TSPAN15: variants seen among roughly 807,000 people sequenced by gnomAD.
TSPAN15 encodes tetraspanin-15.
TSPAN15 carries 20 observed loss-of-function variants against 34.5 expected under a neutral mutation model. The observed-to-expected ratio is 0.58, with a 90% CI of 0.41 to 0.84. TSPAN15 has a LOEUF of 0.84. Ranked by LOEUF, TSPAN15 falls within the 40% of genes least tolerant of loss-of-function variation. The pLI is 0.00. For missense variants in TSPAN15, 313 were observed against 386.1 expected, an observed-to-expected ratio of 0.81 and a Z score of 1.59; for synonymous variants, 155 against 153.9, an observed-to-expected ratio of 1.01 and a Z score of -0.05.
chr10:69,497,050 C>T (rs1842100820), intron 4 of TSPAN15, among the ~76,000 whole-genome samples: 1 of 152,204 alleles, frequency 6.6e-6, no homozygotes, highest in Admixed American at 6.5e-5. Context: ...CATCCTTATT[C>T]TTGCTTTACA....
At position 69,451,598 on chromosome 10, in the gene TSPAN15, C is replaced by T. The variant is rs200247074; in HGVS notation, c.4C>T (p.Pro2Ser). M[P>S]RGDSEQVRYC... is the part of the protein sequence containing the mutation. ...ACCCGCGCGGGGAGCGCCCAGGATG[C>T]CGCGCGGGGACTCGGAGCAGGTGCG... Residue 2 changes from proline (P) to serine (S), a missense_variant, in exon 1 of 8, where the codon CCG becomes TCG. Coordinates refer to ENST00000373290, the MANE Select transcript of TSPAN15 (RefSeq NM_012339.5). 1 of 1,495,148 alleles carries T rather than the reference C, an allele frequency of 6.7e-7. No individual in the cohort carries two copies. The allele number at this position is 1,495,148 out of a possible 1,614,324, so 92.6% of individuals were successfully genotyped here.
chr10:69,541,910 C>T, the TSPAN15 span, among the ~76,000 whole-genome samples: 1 of 152,224 alleles, frequency 6.6e-6, no homozygotes, highest in Non-Finnish European at 1.5e-5. Context: ...CTGTGAAGTT[C>T]TCAGACATTC....
intron 1 of TSPAN15, among the ~76,000 whole-genome samples, chr10:69,456,618 A>G (rs1841116286): frequency 1.3e-5 from 2 of 152,166 alleles, no homozygotes; most frequent in South Asian, 2.1e-4. Context: ...AAACAATGAT[A>G]CTAAATCCTA....
chr10:69,539,458 A>AAGG, the TSPAN15 span, among the ~76,000 whole-genome samples: 922 of 66,260 alleles, frequency 0.014, 48 homozygotes, highest in African/African-American at 0.044. Context: ...GAAGAAGAAG[A>AAGG]AGAAGGAGAA....
At chr10:69,454,501 T>C (rs145862563) in intron 1 of TSPAN15, among the ~76,000 whole-genome samples, 122 of 150,214 alleles carry the variant, frequency 8.1e-4, no homozygotes, top group African/African-American at 2.8e-3. Flanking sequence ...TGGGTGACAG[T>C]GTAAGACTCG....
chr10:69,462,170 T>TTTTTTTTTTTTG (rs1841281573), intron 1 of TSPAN15, among the ~76,000 whole-genome samples: 6 of 145,088 alleles, frequency 4.1e-5, no homozygotes, highest in African/African-American at 1.3e-4. Flanking sequence ...TTTTTTTTTT[T>TTTTTTTTTTTTG]TTTTTTTTTT....
At chr10:69,540,456 G>T in the TSPAN15 span, among the ~76,000 whole-genome samples, 2 of 152,154 alleles carry the variant, frequency 1.3e-5, no homozygotes, top group Non-Finnish European at 2.9e-5. Flanking sequence ...TTTGGCCACT[G>T]CTTGTAGGCA....
chr10:69,523,018 C>T, the TSPAN15 span, among the ~76,000 whole-genome samples: 1 of 147,664 alleles, frequency 6.8e-6, no homozygotes, highest in African/African-American at 2.5e-5. Context: ...AAGATTTTCC[C>T]CTGTGTTTTC....
intron 1 of TSPAN15, among the ~76,000 whole-genome samples, chr10:69,457,354 G>T (rs1317238601): frequency 2.0e-5 from 3 of 152,202 alleles, no homozygotes; most frequent in Non-Finnish European, 2.9e-5. Context: ...GGTGTAACCC[G>T]CAGTGGTCAG....
the TSPAN15 span, among the ~76,000 whole-genome samples, chr10:69,530,820 C>CTCTA: frequency 2.3e-3 from 70 of 30,770 alleles, no homozygotes; most frequent in Non-Finnish European, 2.9e-3. Flanking sequence ...CTCTCTCTCT[C>CTCTA]TATATATATA....
At chr10:69,547,694 T>C in the TSPAN15 span, among the ~76,000 whole-genome samples, 5 of 152,170 alleles carry the variant, frequency 3.3e-5, no homozygotes, top group African/African-American at 1.2e-4. Context: ...AAAGGGAATT[T>C]ATTGGTTCAC....
the TSPAN15 span, among the ~76,000 whole-genome samples, chr10:69,539,536 A>AAGAAGAAGAAGGAGG: frequency 1.3e-4 from 9 of 71,550 alleles, 1 homozygote; most frequent in Non-Finnish European, 1.8e-4. Flanking sequence ...GAAGAAGAAG[A>AAGAAGAAGAAGGAGG]AGGAGAAGGA....
chr10:69,507,245 C>T lies in TSPAN15; in HGVS notation c.*267C>T. The T allele has an allele frequency of 7.3e-7, 1 of 1,376,154 alleles. No individual in the cohort carries two copies. The highest frequency in any genetic ancestry group is 9.4e-7 in the Non-Finnish European group (1 of 1,067,148). 85.2% of individuals were successfully genotyped at this position (1,376,154 alleles called of 1,614,324 possible). ...GAACAAGGCCCTCCTTTCTCCAGGC[C>T]TGGGCTACGGGGGAGGGAGAGCCTG... On this transcript the variant is annotated 3_prime_UTR_variant, in exon 8 of 8. Transcript: ENST00000373290.
the TSPAN15 span, among the ~76,000 whole-genome samples, chr10:69,514,362 T>C: frequency 5.5e-3 from 839 of 152,350 alleles, 3 homozygotes; most frequent in Middle Eastern, 0.01. Flanking sequence ...AGAGTCATGC[T>C]GGCTTCATAG....
the TSPAN15 span, chr10:69,523,446 C>A: frequency 1.8e-6 from 1 of 556,674 alleles, no homozygotes; most frequent in South Asian, 1.6e-5. Flanking sequence ...CTAGCAGTAA[C>A]CTGGCCCAAA....
Position 69,451,526 on chromosome 10 carries a change from C to G in TSPAN15, c.-69C>G, listed in dbSNP as rs1255429200. ...AGCCCGGCAGCCGCAGGTGGGGCCA[C>G]GAGCGCTGGCTGAGGGACCGAGCCG... On this transcript the variant is annotated 5_prime_UTR_variant, in exon 1 of 8. Transcript: ENST00000373290. 3.1e-6 allele frequency: 4 copies of G among 1,293,122 alleles called. No individual in the cohort carries two copies. The highest frequency in any genetic ancestry group is 1.5e-5 in the African/African-American group (1 of 64,764). The allele number at this position is 1,293,122 out of a possible 1,614,324, so 80.1% of individuals were successfully genotyped here.
the TSPAN15 span, among the ~76,000 whole-genome samples, chr10:69,519,035 A>G: frequency 6.6e-6 from 1 of 152,240 alleles, no homozygotes; most frequent in African/African-American, 2.4e-5. Flanking sequence ...TTCTGCGTGG[A>G]ATAGTATACA....
intron 6 of TSPAN15, among the ~76,000 whole-genome samples, chr10:69,504,780 C>T (rs925821807): frequency 6.6e-6 from 1 of 152,192 alleles, no homozygotes; most frequent in Admixed American, 6.5e-5. Context: ...GTGCTGTGTG[C>T]CCAGCCATGC....
At chr10:69,527,882 T>G in the TSPAN15 span, among the ~76,000 whole-genome samples, 1 of 147,360 alleles carries the variant, frequency 6.8e-6, no homozygotes, top group Admixed American at 7.0e-5. Flanking sequence ...TGGAGCTGCT[T>G]TTTGAGGTGA....
Sources: allele counts gnomAD v4.1 joint callset (sites outside exome capture counted in the v4.1 genomes callset), GRCh38; gene constraint gnomAD v4.1.1; transcripts MANE v1.5; gene names NCBI Gene and HGNC (gene_info 2026-07-23, HGNC 2026-07-21).